PCDHA8: variants seen among roughly 807,000 people sequenced by gnomAD.
PCDHA8 encodes protocadherin alpha 8.
A neutral mutation model predicts 61.8 loss-of-function variants in PCDHA8; 53 were observed. That is an observed-to-expected ratio of 0.86 (90% CI 0.69 to 1.08). The LOEUF is 1.08. Ranked by LOEUF, PCDHA8 falls within the 50% of genes least tolerant of loss-of-function variation. PCDHA8 has a pLI of 0.00. For missense variants in PCDHA8, 1,293 were observed against 1,245.0 expected (o/e 1.04, Z -0.58); for synonymous variants, 618 against 556.6 (o/e 1.11, Z -1.55).
At chr5:140,964,609 T>A (rs2095843840) in intron 1 of PCDHA8, among the ~76,000 whole-genome samples, 1 of 152,062 alleles carries the variant, frequency 6.6e-6, no homozygotes, top group Non-Finnish European at 1.5e-5. Context: ...AACTTACAAC[T>A]TGATTCCACT....
rs2150362735 is a variant in PCDHA8 at position 140,843,560 on chromosome 5, A to T, written c.2239A>T (p.Ser747Cys). Residue 747 changes from serine to cysteine, a missense_variant, in exon 1 of 4, where the codon AGC (serine) becomes TGC (cysteine). By Grantham distance (112) the Ser-to-Cys change is moderately radical. Coordinates refer to ENST00000531613, the MANE Select transcript of PCDHA8 (RefSeq NM_018911.3). Reference sequence around the variant, plus strand: ...TCTGGTGTGCTCCAGTGCGGTGGGGAGCTGGTCATACTCGCAACAACAGCC... The same window carrying T: ...TCTGGTGTGCTCCAGTGCGGTGGGGTGCTGGTCATACTCGCAACAACAGCC... ...PTLVCSSAVG[S>C]WSYSQQQPQR... 6.3e-7 allele frequency: 1 copy of T among 1,595,676 alleles called. No individual in the cohort carries two copies. Among genetic ancestry groups the T allele is most frequent in the Non-Finnish European group, 8.6e-7 (1 of 1,165,394 alleles).
chr5:140,849,977 G>T (rs2150461190), intron 1 of PCDHA8: 15 of 1,597,540 alleles, frequency 9.4e-6, no homozygotes, highest in East Asian at 4.5e-5. Context: ...CCTACTCGCT[G>T]GTGGAGCGGC....
At chr5:140,930,209 T>C (rs752393887) in intron 1 of PCDHA8, 4 of 152,266 alleles carry the variant, frequency 2.6e-5, no homozygotes, top group Non-Finnish European at 5.9e-5. Flanking sequence ...GAAATATTTA[T>C]GTGTTCAAAG....
In PCDHA8 at chr5:140,876,844, C is replaced by A. The variant is rs200154646; in HGVS notation, c.2394+33129C>A. ...CGACAATGCGCCTGCGTTCGCGCAGCCCGAGTACACAGTGTTCGTGAAGGA... is the reference window on the plus strand; with the variant it reads ...CGACAATGCGCCTGCGTTCGCGCAGACCGAGTACACAGTGTTCGTGAAGGA... On this transcript the variant is annotated intron_variant, in intron 1 of 3. Coordinates refer to ENST00000531613, the MANE Select transcript of PCDHA8 (RefSeq NM_018911.3). The A allele has an allele frequency of 3.6e-5, 58 of 1,614,134 alleles. No homozygotes were observed. In the East Asian group the frequency reaches 1.2e-3, roughly 32 times the overall value.
At chr5:140,907,480 CA>C (rs1384591200) in intron 1 of PCDHA8, among the ~76,000 whole-genome samples, 2 of 152,212 alleles carry the variant, frequency 1.3e-5, no homozygotes, top group African/African-American at 4.8e-5. Context: ...GCAGGATAGG[CA>C]AACCCATATC....
At chr5:140,963,244 T>G (rs934081934) in intron 1 of PCDHA8, among the ~76,000 whole-genome samples, 6 of 152,104 alleles carry the variant, frequency 3.9e-5, no homozygotes, top group Admixed American at 3.3e-4. Flanking sequence ...ATGGATTAGG[T>G]AGGTTTTCAT....
At chr5:140,976,338 G>A (rs1554237535) in intron 1 of PCDHA8, among the ~76,000 whole-genome samples, 1 of 152,018 alleles carries the variant, frequency 6.6e-6, no homozygotes, top group Non-Finnish European at 1.5e-5. Flanking sequence ...ATTGCCTGAG[G>A]TCAGGTGTTC....
In PCDHA8 at chr5:140,869,699, C is replaced by A. The variant is rs10071369; in HGVS notation, c.2394+25984C>A. On this transcript the variant is annotated intron_variant, in intron 1 of 3. Transcript: ENST00000531613. ...AGACTGTCACTTATTTTAAAGAAGTCTCTGGATAGAGAGAAAACTCCGGAA... is the reference window on the plus strand; with the variant it reads ...AGACTGTCACTTATTTTAAAGAAGTATCTGGATAGAGAGAAAACTCCGGAA... 1,310 of 1,613,374 alleles carry A rather than the reference C, an allele frequency of 8.1e-4. 10 individuals carry two copies. In the African/African-American group the frequency reaches 0.014, roughly 18 times the overall value.
chr5:140,854,113 G>A (rs2042980116), intron 1 of PCDHA8: 1 of 316,648 alleles, frequency 3.2e-6, no homozygotes, highest in African/African-American at 2.4e-5. Flanking sequence ...AGTGAACTGT[G>A]ATGGCACAAC....
intron 1 of PCDHA8, among the ~76,000 whole-genome samples, chr5:140,918,702 G>A (rs2078814490): frequency 6.6e-6 from 1 of 152,150 alleles, no homozygotes; most frequent in Non-Finnish European, 1.5e-5. Flanking sequence ...ATTAAGTCAT[G>A]AGGGCAGAGC....
intron 1 of PCDHA8, among the ~76,000 whole-genome samples, chr5:140,879,972 C>T (rs1005756157): frequency 6.6e-6 from 1 of 152,176 alleles, no homozygotes; most frequent in Non-Finnish European, 1.5e-5. Context: ...AGGATAAACT[C>T]CTTTCAAGAT....
intron 1 of PCDHA8, among the ~76,000 whole-genome samples, chr5:140,945,791 G>T (rs782283550): frequency 1.3e-5 from 2 of 152,064 alleles, no homozygotes; most frequent in Non-Finnish European, 2.9e-5. Flanking sequence ...GCAGAAAAAT[G>T]AAACTAGACC....
At chr5:140,898,466 T>C (rs1331469917) in intron 1 of PCDHA8, among the ~76,000 whole-genome samples, 1 of 152,202 alleles carries the variant, frequency 6.6e-6, no homozygotes, top group Admixed American at 6.5e-5. Context: ...CCATTGCTTG[T>C]TTTTCTCAGG....
intron 1 of PCDHA8, chr5:140,860,444 T>C (rs1311147382): frequency 6.6e-6 from 1 of 152,156 alleles, no homozygotes; most frequent in South Asian, 2.1e-4. Flanking sequence ...CTTTTTCATA[T>C]TAATTCACGT....
intron 1 of PCDHA8, chr5:140,849,341 C>G: frequency 7.1e-7 from 1 of 1,407,916 alleles, no homozygotes; most frequent in African/African-American, 1.6e-5. Flanking sequence ...ACTCCTTCTC[C>G]AGTGATGTTT....
intron 1 of PCDHA8, among the ~76,000 whole-genome samples, chr5:140,948,785 G>T (rs2094304738): frequency 6.6e-6 from 1 of 151,242 alleles, no homozygotes; most frequent in South Asian, 2.1e-4. Flanking sequence ...TTTTGGCTTT[G>T]TTGATATATT....
chr5:140,957,446 C>T (rs1357499949), intron 1 of PCDHA8, among the ~76,000 whole-genome samples: 2 of 152,216 alleles, frequency 1.3e-5, no homozygotes, highest in East Asian at 1.9e-4. Context: ...TTATAAATCA[C>T]ACTTTATCAT....
chr5:140,895,786 A>G (rs2065159984), intron 1 of PCDHA8, among the ~76,000 whole-genome samples: 2 of 152,080 alleles, frequency 1.3e-5, no homozygotes, highest in Non-Finnish European at 2.9e-5. Context: ...GTATTCAATG[A>G]CGTATATGTA....
At chr5:140,903,871 A>G (rs1382306493) in intron 1 of PCDHA8, among the ~76,000 whole-genome samples, 2 of 152,192 alleles carry the variant, frequency 1.3e-5, no homozygotes, top group Non-Finnish European at 2.9e-5. Context: ...GAGTAAAATG[A>G]CAAAGACATT....
Sources: allele counts gnomAD v4.1 joint callset (sites outside exome capture counted in the v4.1 genomes callset), GRCh38; gene constraint gnomAD v4.1.1; transcripts MANE v1.5; gene names NCBI Gene and HGNC (gene_info 2026-07-23, HGNC 2026-07-21).